Variants in PCDHGA10 observed in about 807,000 individuals in gnomAD.
The protein encoded by PCDHGA10 is protocadherin gamma subfamily A, 10, also known as protocadherin gamma-A10.
In PCDHGA10, 42 loss-of-function variants were observed where a neutral mutation model predicts 59.5. The observed-to-expected ratio is 0.71, with a 90% CI of 0.55 to 0.91. The LOEUF (loss-of-function observed/expected upper bound fraction) is 0.91. Among genes scored for constraint, PCDHGA10 ranks in the 40% least tolerant of loss-of-function variants. The probability of loss-of-function intolerance (pLI) is 0.00; values close to 1 mark genes in which losing one functional copy is unlikely to be tolerated. For synonymous variants in PCDHGA10, 511 were observed against 517.2 expected (o/e 0.99, Z 0.16); for missense variants, 1,111 against 1,198.2 (o/e 0.93, Z 1.07).
intron 1 of PCDHGA10, among the ~76,000 whole-genome samples, chr5:141,465,263 T>C (rs538393085): frequency 1.3e-5 from 2 of 152,326 alleles, no homozygotes; most frequent in African/African-American, 4.8e-5. Flanking sequence ...GCAATGATAC[T>C]AGCCATTTAG....
chr5:141,434,650 C>A (rs931043426), intron 1 of PCDHGA10, among the ~76,000 whole-genome samples: 6 of 152,092 alleles, frequency 3.9e-5, no homozygotes, highest in Non-Finnish European at 5.9e-5. Context: ...TTTAGTTAAT[C>A]TAATATCTAT....
chr5:141,415,230 A>G lies in PCDHGA10; in HGVS notation c.2055A>G (p.Pro685=), dbSNP rs1222982593. 6.2e-7 allele frequency: 1 copy of G among 1,614,050 alleles called. No homozygotes were observed. Among genetic ancestry groups the G allele is most frequent in the Non-Finnish European group, 8.5e-7 (1 of 1,180,042 alleles). ...CGGACCTCGGCAGCTTCGAGTCTCCAGCTAACTCTGAAACCTCAGACCTCA... is the reference window on the plus strand; with the variant it reads ...CGGACCTCGGCAGCTTCGAGTCTCCGGCTAACTCTGAAACCTCAGACCTCA... ...VLADLGSFES[P]ANSETSDLTL... is the part of the protein sequence containing the mutation. Residue 685 remains proline (P), a synonymous_variant, in exon 1 of 4, where the codon CCA becomes CCG. Transcript: ENST00000398610.
chr5:141,421,342 G>A (rs199737254), intron 1 of PCDHGA10: 25 of 1,613,872 alleles, frequency 1.5e-5, no homozygotes, highest in Non-Finnish European at 1.9e-5. Context: ...GGTGCCAGAA[G>A]AGACCGAAAA....
At chr5:141,454,796 ATTTTTTTTTTTT>A (rs61612330) in intron 1 of PCDHGA10, among the ~76,000 whole-genome samples, 76 of 77,462 alleles carry the variant, frequency 9.8e-4, no homozygotes, top group African/African-American at 3.9e-3. Flanking sequence ...CATGGTTCTA[ATTTTTTTTTTTT>A]TTTTTTTTTT....
chr5:141,503,654 G>C (rs1248501987), intron 2 of PCDHGA10, among the ~76,000 whole-genome samples: 1 of 150,388 alleles, frequency 6.6e-6, no homozygotes, highest in Non-Finnish European at 1.5e-5. Flanking sequence ...AATGGAAACA[G>C]AATTACAACT....
At position 141,429,997 on chromosome 5, in the gene PCDHGA10, G is replaced by A. The variant is rs536289272; in HGVS notation, c.2436+14386G>A. Among the ~76,000 whole-genome samples, 3 of 152,240 alleles carry A rather than the reference G, an allele frequency of 2.0e-5. No homozygotes were observed. The East Asian group carries it at 5.8e-4, about 29-fold the overall frequency. On this transcript the variant is annotated intron_variant, in intron 1 of 3. Transcript: ENST00000398610. ...TCTACTTTATGCTAAAAATATTAAT[G>A]TTTCTTTTTCACTTGGGTTCTTGTT... is the stretch of plus-strand genomic sequence containing the variant.
chr5:141,456,463 G>A (rs1195450847), intron 1 of PCDHGA10, among the ~76,000 whole-genome samples: 1 of 152,122 alleles, frequency 6.6e-6, no homozygotes, highest in Non-Finnish European at 1.5e-5. Context: ...ATCAATACAA[G>A]ACATATAAGC....
Position 141,485,731 on chromosome 5 carries a change from C to T in PCDHGA10, c.2437-9076C>T, listed in dbSNP as rs1440070106. The T allele has an allele frequency of 1.9e-6, 3 of 1,614,036 alleles. No individual in the cohort carries two copies. The highest frequency in any genetic ancestry group is 2.2e-5 in the South Asian group (2 of 91,080). On this transcript the variant is annotated intron_variant, in intron 1 of 3. Transcript: ENST00000398610. This position sits in a 1 kb window ranked among gnomAD's most constrained non-coding sequence, Gnocchi z 5.7. ...TTGCACTGGATGTGAAGAAGCGCAG[C>T]GACGGCAGCCTGGTCCCAGAGCTGC...
At chr5:141,483,187 GTTT>G (rs899657161) in intron 1 of PCDHGA10, among the ~76,000 whole-genome samples, 2 of 152,172 alleles carry the variant, frequency 1.3e-5, no homozygotes, top group African/African-American at 4.8e-5. Flanking sequence ...AAGCCAAGGA[GTTT>G]TTATTTTATT....
chr5:141,499,150 T>C (rs1424635509), intron 2 of PCDHGA10, among the ~76,000 whole-genome samples: 5 of 152,180 alleles, frequency 3.3e-5, no homozygotes, highest in Non-Finnish European at 1.5e-5. Context: ...CTGATCCCAA[T>C]AGCTGTTGTC....
At chr5:141,428,532 C>T (rs1561836699) in intron 1 of PCDHGA10, 7 of 277,518 alleles carry the variant, frequency 2.5e-5, no homozygotes, top group Non-Finnish European at 5.0e-5. Context: ...TTAATTTTCT[C>T]ACCATGACAC....
chr5:141,485,674 T>C lies in PCDHGA10; in HGVS notation c.2437-9133T>C. 1 of 1,612,986 alleles carries C rather than the reference T, an allele frequency of 6.2e-7. No homozygotes were observed. Among genetic ancestry groups the C allele is most frequent in the South Asian group, 1.1e-5 (1 of 91,072 alleles). Reference sequence around the variant, plus strand: ...ATGCAGATGTGGGGAGCAATTCGATTAGCAGCTATAGGCTGAGCTCCAATG... The same window carrying C: ...ATGCAGATGTGGGGAGCAATTCGATCAGCAGCTATAGGCTGAGCTCCAATG... On this transcript the variant is annotated intron_variant, in intron 1 of 3. Transcript: ENST00000398610. This position sits in a 1 kb window ranked among gnomAD's most constrained non-coding sequence, Gnocchi z 5.7.
intron 1 of PCDHGA10, chr5:141,423,138 C>G (rs767107885): frequency 1.2e-6 from 2 of 1,613,606 alleles, no homozygotes; most frequent in Non-Finnish European, 1.7e-6. Flanking sequence ...TGGACAGAGA[C>G]GCGCTCAAGC....
rs766227340 is a variant in PCDHGA10, at chr5:141,476,791, C to T, written c.2437-18016C>T. On this transcript the variant is annotated intron_variant, in intron 1 of 3. Transcript: ENST00000398610. The surrounding 1 kb of genome is among the most constrained non-coding windows in gnomAD (Gnocchi z 7.6). ...TGGACGGAGGGACCCCAGCTCTCTCCGCCAGCCTGCCTATTCACATCAAGG... is the reference window on the plus strand; with the variant it reads ...TGGACGGAGGGACCCCAGCTCTCTCTGCCAGCCTGCCTATTCACATCAAGG... 5.6e-6 allele frequency: 9 copies of T among 1,613,394 alleles called. No homozygotes were observed. Among genetic ancestry groups the T allele is most frequent in the Middle Eastern group, 1.6e-4 (1 of 6,084 alleles).
intron 1 of PCDHGA10, among the ~76,000 whole-genome samples, chr5:141,466,351 A>G (rs897901821): frequency 6.6e-6 from 1 of 152,050 alleles, no homozygotes; most frequent in African/African-American, 2.4e-5. Context: ...TTTTGCAGCT[A>G]ATCTAGATGT....
rs2099641960 is a variant in PCDHGA10 at position 141,487,259 on chromosome 5, T to C, written c.2437-7548T>C. On this transcript the variant is annotated intron_variant, in intron 1 of 3. Coordinates refer to ENST00000398610, the MANE Select transcript of PCDHGA10 (RefSeq NM_018913.3). This position sits in a 1 kb window ranked among gnomAD's most constrained non-coding sequence, Gnocchi z 5.0. ...TCGTCTAACCCTCTACTTGGCTGTG[T>C]CCCTAGTGGCAATTTGCTTTGTCTC... 6.2e-7 allele frequency: 1 copy of C among 1,614,132 alleles called. No homozygotes were observed. Among genetic ancestry groups the C allele is most frequent in the Non-Finnish European group, 8.5e-7 (1 of 1,180,012 alleles).
chr5:141,506,447 A>G (rs1405495926), intron 3 of PCDHGA10, among the ~76,000 whole-genome samples: 3 of 146,906 alleles, frequency 2.0e-5, no homozygotes, highest in Non-Finnish European at 3.0e-5. Flanking sequence ...TCTGTCTCAA[A>G]AAAAAAAAAA....
rs2099883697 is a variant in PCDHGA10, at chr5:141,511,284, G to T, written c.*111G>T. On this transcript the variant is annotated 3_prime_UTR_variant, in exon 4 of 4. Coordinates refer to ENST00000398610, the MANE Select transcript of PCDHGA10 (RefSeq NM_018913.3). ...AGGGCTAACCCCCAGAATACTGGTA[G>T]GGGCCAAGGCCATGCTCCCCTTGGG... 6.5e-7 allele frequency: 1 copy of T among 1,528,258 alleles called. No homozygotes were observed. Among genetic ancestry groups the T allele is most frequent in the African/African-American group, 1.4e-5 (1 of 72,674 alleles). 94.7% of individuals were successfully genotyped at this position (1,528,258 alleles called of 1,614,324 possible). A position where few individuals can be genotyped will look rare whatever the true frequency, so the allele number is the denominator to read the frequency against.
chr5:141,462,597 T>C (rs182073985), intron 1 of PCDHGA10, among the ~76,000 whole-genome samples: 1 of 152,320 alleles, frequency 6.6e-6, no homozygotes, highest in East Asian at 1.9e-4. Context: ...TTCCATTTCA[T>C]ATATTGTATT....
Sources: gnomAD v4.1 joint callset for allele counts (sites outside exome capture counted in the v4.1 genomes callset) on GRCh38, gnomAD v4.1.1 for gene constraint, Gnocchi (gnomAD v3.1) non-coding constraint, MANE v1.5 for transcripts, NCBI Gene and HGNC (gene_info 2026-07-23, HGNC 2026-07-21) for gene names.